The following RFESD variants were observed in gnomAD, a reference collection of about 807,000 sequenced individuals.
RFESD encodes the protein Rieske Fe-S domain containing.
In RFESD, 16 loss-of-function variants were observed where a neutral mutation model predicts 24.4. The ratio of observed to expected loss-of-function variants is 0.66; its 90% CI spans 0.44 to 1.00. The LOEUF (loss-of-function observed/expected upper bound fraction) is 1.00, where lower values mean the gene tolerates loss of function less well. Among genes scored for constraint, RFESD ranks in the 50% least tolerant of loss-of-function variants. RFESD has a pLI of 0.00. For synonymous variants in RFESD, 59 were observed against 81.8 expected (o/e 0.72, Z 1.50); for missense variants, 208 against 247.0 (o/e 0.84, Z 1.06).
chr5:95,649,155 T>C (rs559035005), intron 1 of RFESD, among the ~76,000 whole-genome samples: 2 of 152,266 alleles, frequency 1.3e-5, no homozygotes, highest in East Asian at 3.9e-4. Flanking sequence ...AAGTAAATAC[T>C]TTTAGACATT....
chr5:95,656,736 T>C lies in RFESD; in HGVS notation c.*427T>C, dbSNP rs1267771721. 1.3e-5 allele frequency: 2 copies of C among 153,732 alleles called. No homozygotes were observed. Among genetic ancestry groups the C allele is most frequent in the African/African-American group, 4.8e-5 (2 of 41,460 alleles). The allele number at this position is 153,732 out of a possible 1,614,324, so 9.5% of individuals were successfully genotyped here. A position where few individuals can be genotyped will look rare whatever the true frequency, so the allele number is the denominator to read the frequency against. ...TAGTATATACAAAGTAAACAGACTA[T>C]ATAATGAACTTCCATCACTCAGCTT... is the stretch of plus-strand genomic sequence containing the variant. On this transcript the variant is annotated 3_prime_UTR_variant, in exon 6 of 6. Coordinates refer to ENST00000380005, the MANE Select transcript of RFESD (RefSeq NM_001131066.2).
chr5:95,649,713 T>C (rs191218197), intron 1 of RFESD, among the ~76,000 whole-genome samples: 4 of 152,358 alleles, frequency 2.6e-5, no homozygotes, highest in Non-Finnish European at 5.9e-5. Flanking sequence ...TGTCTTTACA[T>C]ATACTGGCCA....
intron 1 of RFESD, among the ~76,000 whole-genome samples, chr5:95,651,076 C>T: frequency 7.7e-6 from 1 of 129,052 alleles, no homozygotes; most frequent in Non-Finnish European, 1.5e-5. Flanking sequence ...CCAGCCTGGG[C>T]TACAGAGTGA....
intron 1 of RFESD, among the ~76,000 whole-genome samples, chr5:95,649,045 A>T (rs1448720583): frequency 2.0e-5 from 3 of 151,998 alleles, no homozygotes; most frequent in African/African-American, 7.2e-5. Flanking sequence ...AGAAAGGGCA[A>T]TTTTGTTCCA....
At position 95,654,200 on chromosome 5, in the gene RFESD, A is replaced by T; in HGVS notation, c.298A>T (p.Lys100Ter). The change falls in exon 4 of 6, where the codon AAG (lysine) becomes TAG (stop). Residue 100 changes from lysine (K) to a stop codon, truncating the protein, a stop_gained. Transcript: ENST00000380005. LOFTEE classifies it high-confidence loss of function. ...HDREVVIFYH[K>*]GEYHAMDIRC... Reference sequence around the variant, plus strand: ...TAGAGAAGTGGTCATTTTCTACCACAAGGGAGAATATCATGCTATGGATAT... The same window carrying T: ...TAGAGAAGTGGTCATTTTCTACCACTAGGGAGAATATCATGCTATGGATAT... 1 of 1,613,122 alleles carries T rather than the reference A, an allele frequency of 6.2e-7. No homozygotes were observed. Among genetic ancestry groups the T allele is most frequent in the Non-Finnish European group, 8.5e-7 (1 of 1,179,626 alleles).
At chr5:95,650,821 G>A (rs1025785776) in intron 1 of RFESD, among the ~76,000 whole-genome samples, 1 of 152,152 alleles carries the variant, frequency 6.6e-6, no homozygotes, top group Non-Finnish European at 1.5e-5. Context: ...GGATAGGGCC[G>A]GGCATGGTGG....
intron 3 of RFESD, 38 bp from the exon 4 acceptor site, chr5:95,654,023 A>G (rs1396731202): frequency 3.2e-6 from 5 of 1,578,104 alleles, no homozygotes. Context: ...CAAATTAGTG[A>G]ATACTTCTTG....
At chr5:95,654,545 A>G (rs1263206083) in intron 5 of RFESD, among the ~76,000 whole-genome samples, 178 bp downstream of exon 5, 1 of 152,236 alleles carries the variant, frequency 6.6e-6, no homozygotes, top group Non-Finnish European at 1.5e-5. Context: ...CTCTATATCT[A>G]TTCTATGGCC....
At position 95,653,079 on chromosome 5, in the gene RFESD, T is replaced by C. The variant is rs753497738; in HGVS notation, c.61-38T>C. ...TTCTGGAACACATTCACCAAGACTT[T>C]TCTTTCCTTCAGGCTTTTGTATTTG... On this transcript the variant is annotated intron_variant, in intron 2 of 5. Transcript: ENST00000380005. 12 of 1,549,778 alleles carry C rather than the reference T, an allele frequency of 7.7e-6. No homozygotes were observed. In the South Asian group the frequency reaches 1.4e-4, roughly 19 times the overall value.
At position 95,652,249 on chromosome 5, in the gene RFESD, C is replaced by A; in HGVS notation, c.-23C>A. The A allele has an allele frequency of 6.5e-7, 1 of 1,545,930 alleles. No homozygotes were observed. The highest frequency in any genetic ancestry group is 8.7e-7 in the Non-Finnish European group (1 of 1,143,526). Reference sequence around the variant, plus strand: ...CTCTACTGATCTTGCCTCTCTACAACCTCTCTTCCACCTGACCTCTAAATG... The same window carrying A: ...CTCTACTGATCTTGCCTCTCTACAAACTCTCTTCCACCTGACCTCTAAATG... On this transcript the variant is annotated 5_prime_UTR_variant, in exon 2 of 6. Coordinates refer to ENST00000380005, the MANE Select transcript of RFESD (RefSeq NM_001131066.2).
At chr5:95,650,220 C>T (rs1249880289) in intron 1 of RFESD, among the ~76,000 whole-genome samples, 1 of 151,738 alleles carries the variant, frequency 6.6e-6, no homozygotes, top group Admixed American at 6.6e-5. Context: ...TTTTCTATCC[C>T]CCCCTTTAAA....
At position 95,654,361 on chromosome 5, in the gene RFESD, T is replaced by C. The variant is rs552959759; in HGVS notation, c.363T>C (p.Asp121=). Residue 121 remains aspartate, a synonymous_variant, in exon 5 of 6, where the codon GAT becomes GAC. Transcript: ENST00000380005. ...YHSGGPLHLG[D]IEDFDGRPCI... ...CAGGAGGACCTTTACATTTGGGAGA[T>C]ATAGAGGTATGTAAAATTAAATTTA... 7.3e-5 allele frequency: 116 copies of C among 1,591,926 alleles called. No homozygotes were observed. The highest frequency in any genetic ancestry group is 9.4e-5 in the Non-Finnish European group (109 of 1,165,524).
intron 5 of RFESD, among the ~76,000 whole-genome samples, chr5:95,655,793 C>G (rs921325029): frequency 6.6e-6 from 1 of 152,182 alleles, no homozygotes; most frequent in African/African-American, 2.4e-5. Context: ...AGCACAGCTG[C>G]AGTCACATGG....
rs1329746137 is a variant in RFESD, at chr5:95,657,784, A to G, written c.*1475A>G. 6.6e-6 allele frequency: 1 copy of G among 152,158 alleles called. No individual in the cohort carries two copies. The highest frequency in any genetic ancestry group is 6.6e-5 in the Admixed American group (1 of 15,262). The allele number at this position is 152,158 out of a possible 1,614,324, so 9.4% of individuals were successfully genotyped here. ...TTTTATAGATACTGTTTGTGGTAGC[A>G]GCTACTTACTAAGTACAGAAAATGT... On this transcript the variant is annotated 3_prime_UTR_variant, in exon 6 of 6. Transcript: ENST00000380005.
chr5:95,654,458 T>C, intron 5 of RFESD, 91 bp downstream of exon 5: 1 of 850,492 alleles, frequency 1.2e-6, no homozygotes, highest in African/African-American at 1.7e-5. Context: ...TTTTAATGCT[T>C]TGAATATAAT....
chr5:95,658,033 A>G lies in RFESD; in HGVS notation c.*1724A>G, dbSNP rs1445712745. 6.6e-6 allele frequency: 1 copy of G among 152,204 alleles called. No homozygotes were observed. The highest frequency in any genetic ancestry group is 1.5e-5 in the Non-Finnish European group (1 of 68,030). 9.4% of individuals were successfully genotyped at this position (152,204 alleles called of 1,614,324 possible). ...GTGTGCACTTGATTTTTCATTCTAAATTTGTATCTCTAAATCTAGAAATAA... is the reference window on the plus strand; with the variant it reads ...GTGTGCACTTGATTTTTCATTCTAAGTTTGTATCTCTAAATCTAGAAATAA... On this transcript the variant is annotated 3_prime_UTR_variant, in exon 6 of 6. Transcript: ENST00000380005.
chr5:95,654,549 T>C (rs1237256970), intron 5 of RFESD, among the ~76,000 whole-genome samples, 182 bp downstream of exon 5: 1 of 152,240 alleles, frequency 6.6e-6, no homozygotes, highest in African/African-American at 2.4e-5. Context: ...ATATCTATTC[T>C]ATGGCCATAA....
chr5:95,656,092 A>T lies in RFESD; in HGVS notation c.416A>T (p.Lys139Ile). The stretch of plus-strand genomic sequence containing the variant: ...ATAGTTTGCCCCTGGCATAAATACA[A>T]AATTACTTTGGCAACAGGAGAAGGT... ...PCIVCPWHKY[K>I]ITLATGEGLY... The change falls in exon 6 of 6, where the codon AAA (lysine) becomes ATA (isoleucine). Residue 139 changes from lysine (K) to isoleucine (I), a missense_variant. Coordinates refer to ENST00000380005, the MANE Select transcript of RFESD (RefSeq NM_001131066.2). 4 of 1,613,720 alleles carry T rather than the reference A, an allele frequency of 2.5e-6. No homozygotes were observed. Among genetic ancestry groups the T allele is most frequent in the Non-Finnish European group, 3.4e-6 (4 of 1,179,654 alleles).
chr5:95,652,224 C>G lies in RFESD; in HGVS notation c.-48C>G. ...CATTTGATTAGCAATAGATTGGACA[C>G]TCTACTGATCTTGCCTCTCTACAAC... On this transcript the variant is annotated 5_prime_UTR_variant, in exon 2 of 6. Transcript: ENST00000380005. 6.5e-7 allele frequency: 1 copy of G among 1,530,616 alleles called. No homozygotes were observed. The highest frequency in any genetic ancestry group is 1.2e-5 in the South Asian group (1 of 80,300). 94.8% of individuals were successfully genotyped at this position (1,530,616 alleles called of 1,614,324 possible).
Sources: gnomAD v4.1 joint callset for allele counts (sites outside exome capture counted in the v4.1 genomes callset) on GRCh38, gnomAD v4.1.1 for gene constraint, MANE v1.5 for transcripts, NCBI Gene and HGNC (gene_info 2026-07-23, HGNC 2026-07-21) for gene names.